Variants in TET3 observed in about 807,000 individuals in gnomAD.
TET3 encodes the protein methylcytosine dioxygenase TET3.
Under a neutral mutation model 141.4 loss-of-function variants are expected in TET3, and 19 were observed. That is an observed-to-expected ratio of 0.13 (90% confidence interval 0.09 to 0.20). The LOEUF (loss-of-function observed/expected upper bound fraction) is 0.20, where lower values mean the gene tolerates loss of function less well. Among genes scored for constraint, TET3 ranks in the 10% least tolerant of loss-of-function variants. The probability of loss-of-function intolerance (pLI) is 1.00; values close to 1 mark genes in which losing one functional copy is unlikely to be tolerated. For missense variants in TET3, 1,874 were observed against 2,356.9 expected, an observed-to-expected ratio of 0.80 and a Z score of 4.24; for synonymous variants, 1,043 against 980.9, an observed-to-expected ratio of 1.06 and a Z score of -1.18.
intron 7 of TET3, 107 bp downstream of exon 7, chr2:74,088,145 C>T (rs556003690): frequency 5.2e-5 from 60 of 1,152,998 alleles, no homozygotes; most frequent in African/African-American, 1.9e-4. Flanking sequence ...GCCCTCTCTG[C>T]GGCACTGTTT....
At chr2:74,064,013 A>C (rs1448421263) in intron 4 of TET3, among the ~76,000 whole-genome samples, 1 of 152,254 alleles carries the variant, frequency 6.6e-6, no homozygotes, top group Non-Finnish European at 1.5e-5. Context: ...GAAAGCCAGG[A>C]TAATGCATAA....
chr2:74,025,433 A>G (rs972039404), intron 3 of TET3, among the ~76,000 whole-genome samples: 3 of 150,498 alleles, frequency 2.0e-5, no homozygotes, highest in Middle Eastern at 3.2e-3. Context: ...GACCACAGGC[A>G]CCCACCACCA....
intron 3 of TET3, 43 bp downstream of exon 3, chr2:74,003,209 G>C (rs1684957410): frequency 6.5e-7 from 1 of 1,548,340 alleles, no homozygotes; most frequent in Admixed American, 2.0e-5. Context: ...TGTGTGTGGT[G>C]GCGGTGAAGT....
intron 4 of TET3, among the ~76,000 whole-genome samples, chr2:74,068,617 A>G (rs560402067): frequency 1.5e-3 from 233 of 152,360 alleles, no homozygotes; most frequent in African/African-American, 5.1e-3. Flanking sequence ...ATTCCTAGAA[A>G]TAAATTTTTT....
chr2:74,055,770 T>A (rs1688183447), intron 4 of TET3, among the ~76,000 whole-genome samples: 1 of 152,124 alleles, frequency 6.6e-6, no homozygotes, highest in African/African-American at 2.4e-5. Flanking sequence ...ATTCATGGAT[T>A]AATGGGTTAA....
chr2:74,089,794 G>A, intron 7 of TET3, 103 bp from the exon 8 acceptor site: 6 of 1,450,440 alleles, frequency 4.1e-6, no homozygotes, highest in East Asian at 2.3e-5. Flanking sequence ...CTGGGAGGCT[G>A]GTGGGTGCCA....
At chr2:74,134,697 C>G in the TET3 span, 1 of 456,570 alleles carries the variant, frequency 2.2e-6, no homozygotes, top group African/African-American at 2.0e-5. Flanking sequence ...TCTGAGAAAA[C>G]TGGCGAGCCA....
Position 74,102,363 on chromosome 2 carries a change from A to C in TET3, c.*187A>C. The stretch of plus-strand genomic sequence containing the variant: ...CTCAGAACTGACCCGCCCCTCCCTT[A>C]CCCCCACTTCCCCAGCACTTTGAAG... On this transcript the variant is annotated 3_prime_UTR_variant, in exon 12 of 12. Coordinates refer to ENST00000409262, the MANE Select transcript of TET3 (RefSeq NM_001287491.2). 3 of 863,814 alleles carry C rather than the reference A, an allele frequency of 3.5e-6. No homozygotes were observed. The highest frequency in any genetic ancestry group is 4.5e-6 in the Non-Finnish European group (3 of 659,840). 53.5% of individuals were successfully genotyped at this position (863,814 alleles called of 1,614,324 possible). A position where few individuals can be genotyped will look rare whatever the true frequency, so the allele number is the denominator to read the frequency against.
chr2:74,033,381 C>A (rs1449058624), intron 3 of TET3, among the ~76,000 whole-genome samples: 1 of 152,140 alleles, frequency 6.6e-6, no homozygotes, highest in East Asian at 1.9e-4. Flanking sequence ...ATTTTTTCCC[C>A]CATTTCAAAT....
At chr2:74,118,424 T>C in the TET3 span, among the ~76,000 whole-genome samples, 1 of 152,248 alleles carries the variant, frequency 6.6e-6, no homozygotes, top group Non-Finnish European at 1.5e-5. Context: ...ACAGTATCAG[T>C]AAGCACAGTA....
At chr2:74,079,239 C>T (rs776676786) in intron 5 of TET3, among the ~76,000 whole-genome samples, 2 of 152,234 alleles carry the variant, frequency 1.3e-5, no homozygotes, top group Non-Finnish European at 2.9e-5. Flanking sequence ...CCCAGCTACT[C>T]GGGAGGCTGA....
the TET3 span, among the ~76,000 whole-genome samples, chr2:74,117,239 G>T: frequency 6.6e-6 from 1 of 152,080 alleles, no homozygotes; most frequent in Non-Finnish European, 1.5e-5. Context: ...ACCATGCCTG[G>T]CTAATTTTTG....
At chr2:73,991,087 G>A (rs1235001886) in intron 2 of TET3, among the ~76,000 whole-genome samples, 1 of 151,908 alleles carries the variant, frequency 6.6e-6, no homozygotes, top group Non-Finnish European at 1.5e-5. Context: ...GGGATTACAG[G>A]CGTGAGTCAC....
At chr2:74,090,561 C>T (rs748876806) in intron 8 of TET3, among the ~76,000 whole-genome samples, 4 of 152,200 alleles carry the variant, frequency 2.6e-5, no homozygotes, top group African/African-American at 4.8e-5. Context: ...TGGCCTGGTC[C>T]CTGGGCTCTG....
In TET3 at chr2:74,101,986, G is replaced by A. The variant is rs1302041201; in HGVS notation, c.5198G>A (p.Gly1733Asp). The A allele has an allele frequency of 6.2e-7, 1 of 1,603,876 alleles. No homozygotes were observed. The highest frequency in any genetic ancestry group is 8.5e-7 in the Non-Finnish European group (1 of 1,173,404). Residue 1733 changes from glycine (G) to aspartate (D), a missense_variant, in exon 12 of 12, where the codon GGC becomes GAC. By Grantham distance (94) the Gly-to-Asp change is moderately conservative. Around this residue, in one of 10 missense-constraint regions of TET3, gnomAD observed 113 missense variants for 114.3 expected, o/e 0.99. Coordinates refer to ENST00000409262, the MANE Select transcript of TET3 (RefSeq NM_001287491.2). The surrounding 1 kb of genome is among the most constrained non-coding windows in gnomAD (Gnocchi z 8.5). ...RQEEAARLGL[G>D]QQEAKLYGKK... is the part of the protein sequence containing the mutation. ...GAGGAGGCTGCCCGGCTGGGCCTGG[G>A]CCAGCAGGAGGCCAAGCTCTACGGG...
intron 4 of TET3, among the ~76,000 whole-genome samples, chr2:74,067,907 A>G (rs1181877159): frequency 6.6e-6 from 1 of 152,208 alleles, no homozygotes; most frequent in Admixed American, 6.5e-5. Context: ...ACATTCTGAA[A>G]TTTAGATTCT....
chr2:74,057,833 A>G (rs1225665609), intron 4 of TET3, among the ~76,000 whole-genome samples: 1 of 152,238 alleles, frequency 6.6e-6, no homozygotes, highest in Non-Finnish European at 1.5e-5. Flanking sequence ...TAGCCATTCA[A>G]ATTCTGTAGG....
At chr2:74,079,218 G>A (rs930199971) in intron 5 of TET3, among the ~76,000 whole-genome samples, 15 of 152,094 alleles carry the variant, frequency 9.9e-5, no homozygotes, top group Admixed American at 4.6e-4. Flanking sequence ...GTGGTGGCAG[G>A]CACCTGTAAT....
chr2:74,119,980 T>C, the TET3 span, among the ~76,000 whole-genome samples: 1 of 152,200 alleles, frequency 6.6e-6, no homozygotes, highest in African/African-American at 2.4e-5. Flanking sequence ...CTTTTGACAT[T>C]CCTTGGGTGC....
Sources: allele counts gnomAD v4.1 joint callset (sites outside exome capture counted in the v4.1 genomes callset), GRCh38; gene constraint gnomAD v4.1.1; regional missense constraint gnomAD v4.1.1; non-coding constraint Gnocchi (gnomAD v3.1); transcripts MANE v1.5; gene names NCBI Gene and HGNC (gene_info 2026-07-23, HGNC 2026-07-21).